Variants in PCDHGA3 observed in about 807,000 individuals in gnomAD.
PCDHGA3 encodes protocadherin gamma subfamily A, 3.
A neutral mutation model predicts 58.5 loss-of-function variants in PCDHGA3; 40 were observed. That is an observed-to-expected ratio of 0.68 (90% CI 0.53 to 0.89). PCDHGA3 has a LOEUF of 0.89. PCDHGA3 is among the 40% of genes least tolerant of loss of function. PCDHGA3 has a pLI of 0.00. For synonymous variants in PCDHGA3, 530 were observed against 525.7 expected, an observed-to-expected ratio of 1.01 and a Z score of -0.11; for missense variants, 1,223 against 1,195.9, an observed-to-expected ratio of 1.02 and a Z score of -0.33.
At chr5:141,484,135 A>G (rs181630887) in intron 1 of PCDHGA3, among the ~76,000 whole-genome samples, 6 of 152,270 alleles carry the variant, frequency 3.9e-5, no homozygotes, top group Admixed American at 1.3e-4. Flanking sequence ...GTGTCAGATA[A>G]AGGGAATTTG....
chr5:141,399,213 T>C (rs2093770836), intron 1 of PCDHGA3: 1 of 1,613,852 alleles, frequency 6.2e-7, no homozygotes, highest in Non-Finnish European at 8.5e-7. Context: ...GAACACTAAT[T>C]GCTTTGATCA....
intron 1 of PCDHGA3, among the ~76,000 whole-genome samples, chr5:141,450,013 T>A (rs1178482524): frequency 7.4e-6 from 1 of 135,940 alleles, no homozygotes; most frequent in African/African-American, 3.2e-5. Flanking sequence ...TCTCTTTTTT[T>A]TTTTTTTTTT....
intron 1 of PCDHGA3, among the ~76,000 whole-genome samples, chr5:141,436,998 A>T (rs985067199): frequency 6.6e-6 from 1 of 152,242 alleles, no homozygotes; most frequent in African/African-American, 2.4e-5. Context: ...GTTTACTTCA[A>T]TGGGATCTTA....
intron 1 of PCDHGA3, among the ~76,000 whole-genome samples, chr5:141,386,382 A>T (rs2090551092): frequency 6.6e-6 from 1 of 152,330 alleles, no homozygotes; most frequent in South Asian, 2.1e-4. Context: ...AGTATTAATT[A>T]AAAACACACT....
intron 1 of PCDHGA3, chr5:141,390,232 C>A: frequency 6.2e-7 from 1 of 1,614,020 alleles, no homozygotes. Context: ...GGTGATTCAT[C>A]TGGGGCCTTA....
At chr5:141,481,913 C>CAAAAA (rs34114744) in intron 1 of PCDHGA3, among the ~76,000 whole-genome samples, 2 of 90,852 alleles carry the variant, frequency 2.2e-5, no homozygotes, top group Non-Finnish European at 4.4e-5. Flanking sequence ...AACTCCATCT[C>CAAAAA]AAAAAAAAAA....
Position 141,383,585 on chromosome 5 carries a change from A to G in PCDHGA3, c.2424+37128A>G, listed in dbSNP as rs1779292169. The stretch of plus-strand genomic sequence containing the variant: ...CCCCGATCCAGCACCGCCCACATCC[A>G]GGTGACAGTGGTGGATGTGAATGAC... On this transcript the variant is annotated intron_variant, in intron 1 of 3. Coordinates refer to ENST00000253812, the MANE Select transcript of PCDHGA3 (RefSeq NM_018916.4). The G allele has an allele frequency of 4.3e-6, 7 of 1,613,646 alleles. No individual in the cohort carries two copies. Among genetic ancestry groups the G allele is most frequent in the Non-Finnish European group, 5.9e-6 (7 of 1,179,852 alleles).
At position 141,511,983 on chromosome 5, in the gene PCDHGA3, G is replaced by A. The variant is rs904146751; in HGVS notation, c.*810G>A. 6.5e-6 allele frequency: 1 copy of A among 153,280 alleles called. No homozygotes were observed. The highest frequency in any genetic ancestry group is 1.5e-5 in the Non-Finnish European group (1 of 68,572). The allele number at this position is 153,280 out of a possible 1,614,324, so 9.5% of individuals were successfully genotyped here. A position where few individuals can be genotyped will look rare whatever the true frequency, so the allele number is the denominator to read the frequency against. ...AGGGAAGTGTGTGGATGTGGATGGT[G>A]GGGGCATGGACAAAGCTTGACACAT... On this transcript the variant is annotated 3_prime_UTR_variant, in exon 4 of 4. Coordinates refer to ENST00000253812, the MANE Select transcript of PCDHGA3 (RefSeq NM_018916.4).
At chr5:141,355,304 T>C (rs1023536266) in intron 1 of PCDHGA3, 2 of 1,613,812 alleles carry the variant, frequency 1.2e-6, no homozygotes, top group African/African-American at 2.7e-5. Context: ...CTCTACTCGG[T>C]GTTTGAGGAG....
rs767197233 is a variant in PCDHGA3, at chr5:141,418,642, C to T, written c.2424+72185C>T. On this transcript the variant is annotated intron_variant, in intron 1 of 3. Coordinates refer to ENST00000253812, the MANE Select transcript of PCDHGA3 (RefSeq NM_018916.4). ...AAGACGTGCCTCCAGGCACCTCCAT[C>T]CTGAGAGTGAAGGCCACTGACCAGG... The T allele has an allele frequency of 2.3e-5, 37 of 1,614,028 alleles. No individual in the cohort carries two copies. In the South Asian group the frequency reaches 3.6e-4, roughly 16 times the overall value.
chr5:141,409,295 G>A, intron 1 of PCDHGA3: 1 of 1,613,992 alleles, frequency 6.2e-7, no homozygotes, highest in Non-Finnish European at 8.5e-7. Context: ...TCCAGGAATG[G>A]TTGTTGCCCT....
chr5:141,419,551 C>T lies in PCDHGA3; in HGVS notation c.2424+73094C>T, dbSNP rs772468979. Reference sequence around the variant, plus strand: ...ACGACAACGCACCGCGGGTGCTGTACCCTGCGCTGGGTCCCGACGGCTCCG... The same window carrying T: ...ACGACAACGCACCGCGGGTGCTGTATCCTGCGCTGGGTCCCGACGGCTCCG... On this transcript the variant is annotated intron_variant, in intron 1 of 3. Transcript: ENST00000253812. 7 of 1,611,916 alleles carry T rather than the reference C, an allele frequency of 4.3e-6. No individual in the cohort carries two copies. The Admixed American group carries it at 1.2e-4, about 27-fold the overall frequency.
intron 1 of PCDHGA3, chr5:141,415,851 T>A: frequency 8.1e-7 from 1 of 1,228,614 alleles, no homozygotes; most frequent in Non-Finnish European, 1.1e-6. Flanking sequence ...TTGCAGAACC[T>A]TGTAGTTTAT....
chr5:141,383,698 A>G lies in PCDHGA3; in HGVS notation c.2424+37241A>G, dbSNP rs376903516. 5.0e-6 allele frequency: 8 copies of G among 1,614,026 alleles called. No homozygotes were observed. Among genetic ancestry groups the G allele is most frequent in the South Asian group, 1.1e-5 (1 of 91,088 alleles). On this transcript the variant is annotated intron_variant, in intron 1 of 3. Transcript: ENST00000253812. ...TACAAGACTGCTCACGGTACATGCTATCGACCTGGACGAGGGAGTCAATGG... is the reference window on the plus strand; with the variant it reads ...TACAAGACTGCTCACGGTACATGCTGTCGACCTGGACGAGGGAGTCAATGG...
chr5:141,372,405 A>T, intron 1 of PCDHGA3: 2 of 1,614,024 alleles, frequency 1.2e-6, no homozygotes, highest in Non-Finnish European at 1.7e-6. Context: ...CTTGCAAGAG[A>T]TACAACCTGA....
chr5:141,470,130 A>G (rs915991313), intron 1 of PCDHGA3, among the ~76,000 whole-genome samples: 4 of 151,534 alleles, frequency 2.6e-5, no homozygotes, highest in African/African-American at 4.9e-5. Flanking sequence ...CTTCGTCTCA[A>G]AAAAAAAGAT....
intron 1 of PCDHGA3, chr5:141,390,721 T>G (rs1454628810): frequency 5.1e-6 from 1 of 195,622 alleles, no homozygotes; most frequent in African/African-American, 2.4e-5. Context: ...CTTAACTAAT[T>G]TAACTGGTAT....
chr5:141,376,156 G>C, intron 1 of PCDHGA3: 2 of 1,614,074 alleles, frequency 1.2e-6, no homozygotes, highest in South Asian at 1.1e-5. Context: ...ACCTCACTCT[G>C]TACCTGGTGG....
intron 1 of PCDHGA3, chr5:141,371,031 ACAG>A (rs763935015): frequency 6.2e-7 from 1 of 1,613,990 alleles, no homozygotes; most frequent in East Asian, 2.2e-5. Context: ...CCTGGTCCTC[ACAG>A]CTGTGGATGG....
Sources: gnomAD v4.1 joint callset for allele counts (sites outside exome capture counted in the v4.1 genomes callset) on GRCh38, gnomAD v4.1.1 for gene constraint, MANE v1.5 for transcripts, NCBI Gene and HGNC (gene_info 2026-07-23, HGNC 2026-07-21) for gene names.